The following B3GALT1 variants were observed in gnomAD, a reference collection of about 807,000 sequenced individuals.
B3GALT1 encodes beta-1,3-galactosyltransferase 1.
In B3GALT1, 10 loss-of-function variants were observed where a neutral mutation model predicts 23.2. The observed-to-expected ratio is 0.43, with a 90% CI of 0.27 to 0.73. B3GALT1 has a LOEUF of 0.73. Ranked by LOEUF, B3GALT1 falls within the 30% of genes least tolerant of loss-of-function variation. The probability of loss-of-function intolerance (pLI) is 0.21; values close to 1 mark genes in which losing one functional copy is unlikely to be tolerated. For missense variants in B3GALT1, 299 were observed against 405.4 expected, an observed-to-expected ratio of 0.74 and a Z score of 2.25; for synonymous variants, 156 against 141.5, an observed-to-expected ratio of 1.10 and a Z score of -0.73.
At chr2:167,357,927 A>G (rs1697440069) in intron 1 of B3GALT1, among the ~76,000 whole-genome samples, 1 of 152,224 alleles carries the variant, frequency 6.6e-6, no homozygotes, top group Admixed American at 6.5e-5. Context: ...ATATCAAACT[A>G]AGAGCATTTT....
At chr2:167,717,294 G>GT (rs71003008) in intron 3 of B3GALT1, among the ~76,000 whole-genome samples, 3,510 of 147,624 alleles carry the variant, frequency 0.024, 80 homozygotes, top group South Asian at 0.11. Flanking sequence ...TTATCTATGA[G>GT]TTTTTTTTTT....
intron 1 of B3GALT1, among the ~76,000 whole-genome samples, chr2:167,367,576 T>C (rs1189369113): frequency 6.6e-6 from 1 of 152,198 alleles, no homozygotes; most frequent in African/African-American, 2.4e-5. Flanking sequence ...GTCTGTTATG[T>C]GTTCGGCTCT....
chr2:167,563,872 C>A (rs1361446518), intron 2 of B3GALT1, among the ~76,000 whole-genome samples: 2 of 135,328 alleles, frequency 1.5e-5, no homozygotes, highest in Non-Finnish European at 3.3e-5. Flanking sequence ...AGGCGCCCCT[C>A]ATCTGCCGGA....
At chr2:167,714,400 T>G (rs562395448) in intron 3 of B3GALT1, 1 of 1,541,480 alleles carries the variant, frequency 6.5e-7, no homozygotes, top group South Asian at 1.1e-5. Flanking sequence ...TTGGGCTTCC[T>G]CCTCCCCCTG....
At chr2:167,779,157 T>C (rs539599829) in intron 3 of B3GALT1, among the ~76,000 whole-genome samples, 1,550 of 55,180 alleles carry the variant, frequency 0.028, 12 homozygotes, top group Middle Eastern at 0.041. Flanking sequence ...TTTTCATATA[T>C]GCCAGATGTA....
At position 167,293,019 on chromosome 2, in the gene B3GALT1, G is replaced by C. The variant is rs1387153272; in HGVS notation, c.-826G>C. ...CGAGGCCAGAGCCATCGCCGGGGAA[G>C]CGCAGCCGGGCTCGGGTGCTTCGGC... On this transcript the variant is annotated 5_prime_UTR_variant, in exon 1 of 5. Transcript: ENST00000392690. Among the ~76,000 whole-genome samples, 1 of 151,936 alleles carries C rather than the reference G, an allele frequency of 6.6e-6. No homozygotes were observed. The highest frequency in any genetic ancestry group is 6.6e-5 in the Admixed American group (1 of 15,248).
At chr2:167,752,480 T>C in intron 3 of B3GALT1, among the ~76,000 whole-genome samples, 1 of 151,914 alleles carries the variant, frequency 6.6e-6, no homozygotes, top group East Asian at 1.9e-4. Flanking sequence ...TTTATGTAGA[T>C]TTATTGTAAA....
chr2:167,866,522 GAATA>G, intron 4 of B3GALT1, among the ~76,000 whole-genome samples: 1 of 152,330 alleles, frequency 6.6e-6, no homozygotes, highest in South Asian at 2.1e-4. Context: ...ACAAATGAAT[GAATA>G]AATTCAAGAG....
chr2:167,832,209 G>A (rs911260327), intron 4 of B3GALT1, among the ~76,000 whole-genome samples: 12 of 152,220 alleles, frequency 7.9e-5, no homozygotes, highest in African/African-American at 2.9e-4. Context: ...ACAATTTCAT[G>A]TGCTTCCACC....
intron 1 of B3GALT1, among the ~76,000 whole-genome samples, chr2:167,483,315 A>G (rs1348365783): frequency 2.6e-5 from 4 of 152,158 alleles, no homozygotes; most frequent in Admixed American, 6.6e-5. Flanking sequence ...AACAAAAACA[A>G]CAAAAACTTC....
chr2:167,413,579 T>C (rs1029060161), intron 1 of B3GALT1, among the ~76,000 whole-genome samples: 1 of 152,026 alleles, frequency 6.6e-6, no homozygotes, highest in African/African-American at 2.4e-5. Context: ...GAATGCATTC[T>C]GTTCATCTAC....
chr2:167,364,365 CT>C (rs1697553105), intron 1 of B3GALT1, among the ~76,000 whole-genome samples: 1 of 148,944 alleles, frequency 6.7e-6, no homozygotes, highest in Non-Finnish European at 1.5e-5. Context: ...TTTTATTATA[CT>C]TTAAGTTCTA....
At chr2:167,347,691 C>T (rs890214364) in intron 1 of B3GALT1, among the ~76,000 whole-genome samples, 5 of 150,642 alleles carry the variant, frequency 3.3e-5, no homozygotes, top group African/African-American at 2.4e-5. Context: ...AAGTGTAGAT[C>T]GGATGGAATC....
At chr2:167,327,976 GAC>G (rs1696920594) in intron 1 of B3GALT1, among the ~76,000 whole-genome samples, 1 of 152,148 alleles carries the variant, frequency 6.6e-6, no homozygotes, top group Non-Finnish European at 1.5e-5. Flanking sequence ...CTATTGAGAT[GAC>G]CATGTAATTT....
chr2:167,744,933 T>G (rs1484186408), intron 3 of B3GALT1, among the ~76,000 whole-genome samples: 1 of 152,220 alleles, frequency 6.6e-6, no homozygotes. Context: ...TGTTTTTATA[T>G]TCAATCAAAT....
intron 3 of B3GALT1, among the ~76,000 whole-genome samples, chr2:167,735,929 G>A (rs1171422558): frequency 6.6e-6 from 1 of 152,212 alleles, no homozygotes; most frequent in Non-Finnish European, 1.5e-5. Flanking sequence ...GAAGGATGAG[G>A]AGGAGGAAGA....
chr2:167,535,678 G>A (rs951388169), intron 2 of B3GALT1, among the ~76,000 whole-genome samples: 1 of 151,760 alleles, frequency 6.6e-6, no homozygotes, highest in Admixed American at 6.6e-5. Context: ...AGAATAAATG[G>A]CTGGCATTAA....
chr2:167,694,805 A>C (rs1324180540), intron 3 of B3GALT1, among the ~76,000 whole-genome samples: 1 of 152,140 alleles, frequency 6.6e-6, no homozygotes, highest in Non-Finnish European at 1.5e-5. Flanking sequence ...ATGGCAAAAA[A>C]ATTTGCAGTC....
intron 4 of B3GALT1, among the ~76,000 whole-genome samples, chr2:167,858,379 A>G (rs1690039272): frequency 6.6e-6 from 1 of 151,706 alleles, no homozygotes; most frequent in Non-Finnish European, 1.5e-5. Context: ...TTTTGCACCA[A>G]TTAGTCAAGA....
Sources: gnomAD v4.1 joint callset for allele counts (sites outside exome capture counted in the v4.1 genomes callset) on GRCh38, gnomAD v4.1.1 for gene constraint, MANE v1.5 for transcripts, NCBI Gene and HGNC (gene_info 2026-07-23, HGNC 2026-07-21) for gene names.